Variants in CEP57L1 observed in about 807,000 individuals in gnomAD.
The protein encoded by CEP57L1 is centrosomal protein 57 like 1, also known as centrosomal protein CEP57L1.
A neutral mutation model predicts 61.0 loss-of-function variants in CEP57L1; 37 were observed. The observed-to-expected ratio is 0.61, with a 90% CI of 0.47 to 0.80. The LOEUF is 0.80. Among genes scored for constraint, CEP57L1 ranks in the 30% least tolerant of loss-of-function variants. The pLI is 0.00. For synonymous variants in CEP57L1, 137 were observed against 162.3 expected, an observed-to-expected ratio of 0.84 and a Z score of 1.19; for missense variants, 422 against 524.7, an observed-to-expected ratio of 0.80 and a Z score of 1.91.
intron 1 of CEP57L1, among the ~76,000 whole-genome samples, chr6:109,136,863 C>G (rs1167246009): frequency 6.6e-6 from 1 of 152,080 alleles, no homozygotes; most frequent in African/African-American, 2.4e-5. Flanking sequence ...TCAAGTGATT[C>G]TCCTGCCTCA....
At chr6:109,109,332 A>G (rs1771304948) in intron 1 of CEP57L1, among the ~76,000 whole-genome samples, 1 of 152,222 alleles carries the variant, frequency 6.6e-6, no homozygotes, top group African/African-American at 2.4e-5. Flanking sequence ...AAAGATACTG[A>G]CAAGACTTGC....
intron 1 of CEP57L1, among the ~76,000 whole-genome samples, chr6:109,136,248 A>G (rs544671879): frequency 1.2e-3 from 183 of 152,354 alleles, no homozygotes; most frequent in African/African-American, 4.2e-3. Context: ...AAAAAGGATG[A>G]GTTCATGTCC....
chr6:109,150,236 A>G lies in CEP57L1; in HGVS notation c.459A>G (p.Gln153=). 1 of 1,593,778 alleles carries G rather than the reference A, an allele frequency of 6.3e-7. No individual in the cohort carries two copies. The highest frequency in any genetic ancestry group is 2.2e-5 in the East Asian group (1 of 44,582). ...GAGAAAAGAACATGATCCTAGAACA[A>G]CAGGTGAGCATATTTTCTATAAGGA... ...VEREKNMILE[Q]QAQLQREKEQ... is the part of the protein sequence containing the mutation. Residue 153 remains glutamine, a synonymous_variant, in exon 4 of 11, where the codon CAA becomes CAG. Coordinates refer to ENST00000517392, the MANE Select transcript of CEP57L1 (RefSeq NM_001271852.3).
intron 4 of CEP57L1, among the ~76,000 whole-genome samples, chr6:109,151,951 A>C (rs1212860172): frequency 1.3e-5 from 2 of 151,876 alleles, no homozygotes; most frequent in Non-Finnish European, 2.9e-5. Flanking sequence ...TTTCAACAAT[A>C]TGTTGCTAAG....
At chr6:109,120,200 T>C (rs1345035155) in intron 1 of CEP57L1, among the ~76,000 whole-genome samples, 1 of 152,220 alleles carries the variant, frequency 6.6e-6, no homozygotes, top group Non-Finnish European at 1.5e-5. Context: ...GGAGTTTTGC[T>C]GCAGAACCTA....
chr6:109,146,026 A>G lies in CEP57L1; in HGVS notation c.160+645A>G, dbSNP rs116081024. 7.9e-3 allele frequency among the ~76,000 whole-genome samples: 1,202 copies of G among 152,058 alleles called. 20 individuals are homozygous for G. Among genetic ancestry groups the G allele is most frequent in the African/African-American group, 0.028 (1,152 of 41,550 alleles). On this transcript the variant is annotated intron_variant, in intron 2 of 10. Coordinates refer to ENST00000517392, the MANE Select transcript of CEP57L1 (RefSeq NM_001271852.3). The stretch of plus-strand genomic sequence containing the variant: ...CTATAAGAAATAATAATGCAAATCA[A>G]TGTGCCAGCTACAGATATCATGTAA...
At chr6:109,128,107 A>G (rs1270976828) in intron 1 of CEP57L1, among the ~76,000 whole-genome samples, 1 of 152,158 alleles carries the variant, frequency 6.6e-6, no homozygotes, top group African/African-American at 2.4e-5. Context: ...TTGATAACCA[A>G]ATCTCTATCT....
chr6:109,123,392 A>G (rs1773197585), intron 1 of CEP57L1, among the ~76,000 whole-genome samples: 1 of 152,160 alleles, frequency 6.6e-6, no homozygotes, highest in Non-Finnish European at 1.5e-5. Flanking sequence ...TAGCTGCATG[A>G]CCCTGGGCAA....
chr6:109,102,459 G>A (rs951971163), intron 1 of CEP57L1, among the ~76,000 whole-genome samples: 1 of 152,158 alleles, frequency 6.6e-6, no homozygotes, highest in Non-Finnish European at 1.5e-5. Flanking sequence ...TGGCTTGTCT[G>A]TTCATTCTTT....
Position 109,120,905 on chromosome 6 carries a change from GACACACGCACACAC to G in CEP57L1, c.-3-24307_-3-24294del, listed in dbSNP as rs1263482783. 8.7e-3 allele frequency among the ~76,000 whole-genome samples: 1,119 copies of G among 128,390 alleles called. 14 individuals are homozygous for G. The highest frequency in any genetic ancestry group is 0.033 in the African/African-American group (1,040 of 32,000). The allele number at this position is 128,390 out of a possible 152,430, so 84.2% of individuals were successfully genotyped here. A position where few individuals can be genotyped will look rare whatever the true frequency, so the allele number is the denominator to read the frequency against. ...CAGTCTTAGAAAATTCCTATACTTA[GACACACGCACACAC>G]ACACACACACACACACACACACACA... On this transcript the variant is annotated intron_variant, in intron 1 of 10. Coordinates refer to ENST00000517392, the MANE Select transcript of CEP57L1 (RefSeq NM_001271852.3).
intron 1 of CEP57L1, among the ~76,000 whole-genome samples, chr6:109,139,849 C>G (rs1359324320): frequency 6.6e-6 from 1 of 152,024 alleles, no homozygotes; most frequent in Non-Finnish European, 1.5e-5. Flanking sequence ...CCAGGCTGGT[C>G]TCGAACTCTT....
rs554399778 is a variant in CEP57L1 at position 109,133,778 on chromosome 6, A to C, written c.-3-11441A>C. On this transcript the variant is annotated intron_variant, in intron 1 of 10. Transcript: ENST00000517392. ...ACAAACTGCCATCAGAGAATACTAT[A>C]AACACCTCTACGCAAATAAACTAGA... Among the ~76,000 whole-genome samples, 56 of 152,336 alleles carry C rather than the reference A, an allele frequency of 3.7e-4. 1 individual carries two copies. In the South Asian group the frequency reaches 8.9e-3, roughly 24 times the overall value.
At chr6:109,095,356 TCA>T, upstream of CEP57L1, 3 of 985,918 alleles carry the variant, frequency 3.0e-6, no homozygotes, top group Non-Finnish European at 3.6e-6. Flanking sequence ...ACATTTAAGA[TCA>T]CCCTAAAAGT....
intron 1 of CEP57L1, among the ~76,000 whole-genome samples, chr6:109,132,155 G>C (rs1009880614): frequency 6.6e-6 from 1 of 152,110 alleles, no homozygotes; most frequent in Non-Finnish European, 1.5e-5. Flanking sequence ...GATGCTTTTG[G>C]TTTGGGGTGC....
intron 1 of CEP57L1, among the ~76,000 whole-genome samples, chr6:109,101,775 G>T (rs1462338298): frequency 6.6e-6 from 1 of 151,870 alleles, no homozygotes; most frequent in Admixed American, 6.6e-5. Flanking sequence ...GCCCGCCACC[G>T]CGCCCGGCTA....
At chr6:109,100,905 G>A (rs888093035) in intron 1 of CEP57L1, among the ~76,000 whole-genome samples, 3 of 152,008 alleles carry the variant, frequency 2.0e-5, no homozygotes, top group African/African-American at 7.3e-5. Context: ...TCAGAAGTTC[G>A]AGACCATCCT....
chr6:109,109,178 A>G (rs1426248644), intron 1 of CEP57L1, among the ~76,000 whole-genome samples: 1 of 151,822 alleles, frequency 6.6e-6, no homozygotes, highest in African/African-American at 2.4e-5. Flanking sequence ...TTATGTATAT[A>G]AACATTATAG....
chr6:109,109,406 AATTT>A (rs1771313552), intron 1 of CEP57L1, among the ~76,000 whole-genome samples: 1 of 152,172 alleles, frequency 6.6e-6, no homozygotes, highest in Non-Finnish European at 1.5e-5. Context: ...AAATTCATTT[AATTT>A]AGGGAGTAAT....
rs1047908726 is a variant in CEP57L1 at position 109,172,201 on chromosome 6, A to G, written c.*9231A>G. On this transcript the variant is annotated 3_prime_UTR_variant, in exon 11 of 11. Coordinates refer to ENST00000517392, the MANE Select transcript of CEP57L1 (RefSeq NM_001271852.3). ...TAATTCTCTCAGCAGACAGACCATA[A>G]TTCTCTCAGCAACAATGTGTGACAA... Among the ~76,000 whole-genome samples the G allele has an allele frequency of 1.4e-5, 2 of 138,600 alleles. No homozygotes were observed. The highest frequency in any genetic ancestry group is 5.5e-5 in the African/African-American group (2 of 36,108). The allele number at this position is 138,600 out of a possible 152,430, so 90.9% of individuals were successfully genotyped here.
Sources: gnomAD v4.1 joint callset for allele counts (sites outside exome capture counted in the v4.1 genomes callset) on GRCh38, gnomAD v4.1.1 for gene constraint, MANE v1.5 for transcripts, NCBI Gene and HGNC (gene_info 2026-07-23, HGNC 2026-07-21) for gene names.